Variants in CHRM2 observed in about 807,000 individuals in gnomAD.
CHRM2 encodes the protein muscarinic acetylcholine receptor M2.
CHRM2 carries 8 observed loss-of-function variants against 25.0 expected under a neutral mutation model. The observed-to-expected ratio is 0.32, with a 90% CI of 0.19 to 0.58. The LOEUF is 0.58. CHRM2 is among the 20% of genes least tolerant of loss of function. The probability of loss-of-function intolerance (pLI) is 0.88; values close to 1 mark genes in which losing one functional copy is unlikely to be tolerated. For missense variants in CHRM2, 440 were observed against 567.1 expected, an observed-to-expected ratio of 0.78 and a Z score of 2.28; for synonymous variants, 202 against 205.7, an observed-to-expected ratio of 0.98 and a Z score of 0.15.
At chr7:136,970,894 C>A (rs914369604) in intron 2 of CHRM2, among the ~76,000 whole-genome samples, 2 of 152,050 alleles carry the variant, frequency 1.3e-5, no homozygotes, top group Admixed American at 6.5e-5. Context: ...TCCTTCAGTT[C>A]CATTGAGAAA....
chr7:136,879,833 A>G (rs1796192710), intron 2 of CHRM2, among the ~76,000 whole-genome samples: 1 of 151,978 alleles, frequency 6.6e-6, no homozygotes, highest in Non-Finnish European at 1.5e-5. Flanking sequence ...TAGCATTAGG[A>G]AAGAAAGGCG....
At chr7:136,877,783 A>G (rs180989008) in intron 2 of CHRM2, among the ~76,000 whole-genome samples, 8 of 152,136 alleles carry the variant, frequency 5.3e-5, no homozygotes, top group African/African-American at 1.9e-4. Context: ...AGTCATGCTG[A>G]TGATTCTTCT....
intron 2 of CHRM2, chr7:136,903,334 T>C (rs775531233): frequency 4.5e-6 from 2 of 447,778 alleles, no homozygotes; most frequent in Non-Finnish European, 9.1e-6. Context: ...TCTTCTATAG[T>C]GTATGTGCAA....
chr7:136,922,429 G>T (rs932425907), intron 2 of CHRM2, among the ~76,000 whole-genome samples: 7 of 152,108 alleles, frequency 4.6e-5, no homozygotes, highest in Admixed American at 3.3e-4. Flanking sequence ...CTGTTCACTG[G>T]CTTAAAGCTT....
intron 2 of CHRM2, among the ~76,000 whole-genome samples, chr7:136,972,131 T>A (rs916227659): frequency 1.3e-5 from 2 of 152,102 alleles, no homozygotes; most frequent in African/African-American, 4.8e-5. Flanking sequence ...AGTATGCCTT[T>A]TTTTTTTTCG....
At chr7:136,932,609 C>G (rs771828130) in intron 2 of CHRM2, among the ~76,000 whole-genome samples, 1 of 152,114 alleles carries the variant, frequency 6.6e-6, no homozygotes, top group Non-Finnish European at 1.5e-5. Context: ...TTACATTATA[C>G]ATTAAAACAA....
At chr7:136,952,611 G>GT (rs571705663) in intron 2 of CHRM2, among the ~76,000 whole-genome samples, 1 of 151,822 alleles carries the variant, frequency 6.6e-6, no homozygotes, top group South Asian at 2.1e-4. Flanking sequence ...ACATGTGCAG[G>GT]TTTTTTGCAT....
intron 2 of CHRM2, among the ~76,000 whole-genome samples, chr7:136,988,290 T>G (rs1802989977): frequency 6.9e-6 from 1 of 145,798 alleles, no homozygotes; most frequent in Non-Finnish European, 1.5e-5. Flanking sequence ...AAAAAAGGAG[T>G]GGGAAGAGGA....
intron 2 of CHRM2, among the ~76,000 whole-genome samples, chr7:136,947,282 G>C (rs1800127081): frequency 6.6e-6 from 1 of 151,900 alleles, no homozygotes; most frequent in African/African-American, 2.4e-5. Context: ...ACAGATATTT[G>C]ATCTAGAAAA....
chr7:136,885,845 G>T (rs1364875999), intron 2 of CHRM2, among the ~76,000 whole-genome samples: 1 of 152,166 alleles, frequency 6.6e-6, no homozygotes, highest in Non-Finnish European at 1.5e-5. Context: ...TTACTGGATT[G>T]AGGGGGGAAG....
chr7:136,935,596 A>G (rs577787437), intron 2 of CHRM2, among the ~76,000 whole-genome samples: 1 of 152,330 alleles, frequency 6.6e-6, no homozygotes, highest in South Asian at 2.1e-4. Flanking sequence ...GTTTTGGAAC[A>G]TACTGTTTGA....
intron 2 of CHRM2, among the ~76,000 whole-genome samples, chr7:136,938,915 C>CAAAA (rs56868385): frequency 3.0e-5 from 2 of 66,950 alleles, no homozygotes; most frequent in African/African-American, 5.3e-5. Context: ...CTAGCTCTGC[C>CAAAA]AAAAAAAAAA....
At chr7:136,921,341 G>A (rs1798418559) in intron 2 of CHRM2, among the ~76,000 whole-genome samples, 1 of 152,034 alleles carries the variant, frequency 6.6e-6, no homozygotes, top group Admixed American at 6.6e-5. Context: ...CTCCAGTGAG[G>A]TCTGCCTTTA....
chr7:136,955,944 T>C (rs1217056123), intron 2 of CHRM2, among the ~76,000 whole-genome samples: 1 of 152,188 alleles, frequency 6.6e-6, no homozygotes, highest in Non-Finnish European at 1.5e-5. Flanking sequence ...TTGTTTATTT[T>C]TAATATATTT....
At chr7:136,964,722 A>G (rs1801305900) in intron 2 of CHRM2, among the ~76,000 whole-genome samples, 1 of 152,150 alleles carries the variant, frequency 6.6e-6, no homozygotes, top group African/African-American at 2.4e-5. Context: ...TCTGTAACAG[A>G]GGAAGCAAAG....
chr7:136,922,874 T>C (rs1457185573), intron 2 of CHRM2, among the ~76,000 whole-genome samples: 1 of 152,168 alleles, frequency 6.6e-6, no homozygotes, highest in Non-Finnish European at 1.5e-5. Flanking sequence ...GGGTTTTTTC[T>C]AAGGAAAATA....
At chr7:136,873,503 A>G in intron 2 of CHRM2, among the ~76,000 whole-genome samples, 1 of 152,106 alleles carries the variant, frequency 6.6e-6, no homozygotes, top group Middle Eastern at 3.2e-3. Flanking sequence ...ACAGCAATCA[A>G]TTTTCTCATT....
At chr7:136,950,265 C>T (rs150549905) in intron 2 of CHRM2, among the ~76,000 whole-genome samples, 171 of 152,266 alleles carry the variant, frequency 1.1e-3, no homozygotes, top group African/African-American at 3.8e-3. Flanking sequence ...GAAGTGCCCT[C>T]GTTCCTCATC....
At chr7:136,930,975 T>C (rs182243888) in intron 2 of CHRM2, among the ~76,000 whole-genome samples, 368 of 143,680 alleles carry the variant, frequency 2.6e-3, no homozygotes, top group Non-Finnish European at 2.9e-3. Flanking sequence ...CTATCTGTAA[T>C]AGTTTTAGGG....
Sources: gnomAD v4.1 joint callset for allele counts (sites outside exome capture counted in the v4.1 genomes callset) on GRCh38, gnomAD v4.1.1 for gene constraint, MANE v1.5 for transcripts, NCBI Gene and HGNC (gene_info 2026-07-23, HGNC 2026-07-21) for gene names.